Variants in PLCG2 observed in about 807,000 individuals in gnomAD.
PLCG2 encodes the protein phospholipase C gamma 2, also known as 1-phosphatidylinositol 4,5-bisphosphate phosphodiesterase gamma-2.
In PLCG2, 69 loss-of-function variants were observed where a neutral mutation model predicts 175.6. The observed-to-expected ratio is 0.39, with a 90% CI of 0.32 to 0.48. The LOEUF (loss-of-function observed/expected upper bound fraction) is 0.48, where lower values mean the gene tolerates loss of function less well. PLCG2 is among the 20% of genes least tolerant of loss of function. The pLI is 0.91. For missense variants in PLCG2, 1,798 were observed against 1,650.9 expected, an observed-to-expected ratio of 1.09 and a Z score of -1.54; for synonymous variants, 827 against 624.0, an observed-to-expected ratio of 1.33 and a Z score of -4.85.
intron 30 of PLCG2, among the ~76,000 whole-genome samples, chr16:81,940,725 C>T (rs762429226): frequency 1.1e-4 from 17 of 148,062 alleles, no homozygotes; most frequent in Non-Finnish European, 2.3e-4. Context: ...GAGATAGACA[C>T]TTCCAGGTGA....
intron 8 of PLCG2, among the ~76,000 whole-genome samples, chr16:81,881,177 G>A (rs916732048): frequency 6.6e-6 from 1 of 152,204 alleles, no homozygotes; most frequent in Admixed American, 6.5e-5. Flanking sequence ...AGAAAGTTCT[G>A]TAGAAAAGCC....
At position 81,960,169 on chromosome 16, in the gene PLCG2, C is replaced by G. The variant is rs900148093; in HGVS notation, c.*2171C>G. 2 of 220,668 alleles carry G rather than the reference C, an allele frequency of 9.1e-6. No individual in the cohort carries two copies. Among genetic ancestry groups the G allele is most frequent in the Non-Finnish European group, 1.8e-5 (2 of 110,252 alleles). The allele number at this position is 220,668 out of a possible 1,614,324, so 13.7% of individuals were successfully genotyped here. A position where few individuals can be genotyped will look rare whatever the true frequency, so the allele number is the denominator to read the frequency against. On this transcript the variant is annotated 3_prime_UTR_variant, in exon 33 of 33. Transcript: ENST00000564138. ...AGAGTACTTTCTTCGGTTCTTTCCT[C>G]CTGTCCTTGACAGAGTAACACGTTA...
intron 2 of PLCG2, among the ~76,000 whole-genome samples, chr16:81,844,285 G>T (rs1367010588): frequency 1.3e-5 from 2 of 150,644 alleles, no homozygotes; most frequent in Admixed American, 6.6e-5. Context: ...GAGCCACCGC[G>T]CCCGGGCACC....
At chr16:81,818,547 C>G (rs567790395) in intron 2 of PLCG2, among the ~76,000 whole-genome samples, 1 of 152,108 alleles carries the variant, frequency 6.6e-6, no homozygotes, top group Admixed American at 6.6e-5. Context: ...AATGGAGCTC[C>G]GAAGGCCTGA....
At position 81,958,583 on chromosome 16, in the gene PLCG2, T is replaced by A. The variant is rs760763626; in HGVS notation, c.*585T>A. On this transcript the variant is annotated 3_prime_UTR_variant, in exon 33 of 33. Coordinates refer to ENST00000564138, the MANE Select transcript of PLCG2 (RefSeq NM_002661.5). The stretch of plus-strand genomic sequence containing the variant: ...AAAATGGCTGAGTGATGGGATCTGT[T>A]CATTAAGACAATTTCTAATTAATGG... The A allele has an allele frequency of 4.3e-6, 1 of 230,040 alleles. No individual in the cohort carries two copies. Among genetic ancestry groups the A allele is most frequent in the Non-Finnish European group, 8.6e-6 (1 of 116,098 alleles). The allele number at this position is 230,040 out of a possible 1,614,324, so 14.2% of individuals were successfully genotyped here. A position where few individuals can be genotyped will look rare whatever the true frequency, so the allele number is the denominator to read the frequency against.
chr16:81,791,882 C>T (rs1225477420), intron 2 of PLCG2, among the ~76,000 whole-genome samples: 1 of 152,100 alleles, frequency 6.6e-6, no homozygotes, highest in Non-Finnish European at 1.5e-5. Context: ...GGACTGTTGA[C>T]CAAACATCTA....
At chr16:81,834,725 G>T (rs1905425311) in intron 2 of PLCG2, among the ~76,000 whole-genome samples, 1 of 152,184 alleles carries the variant, frequency 6.6e-6, no homozygotes, top group South Asian at 2.1e-4. Context: ...AGAACCCACT[G>T]GACCAAGGCA....
At chr16:81,889,387 C>T (rs1047811929) in intron 10 of PLCG2, 114 bp downstream of exon 10, 5 of 644,286 alleles carry the variant, frequency 7.8e-6, no homozygotes, top group Non-Finnish European at 1.4e-5. Context: ...TATGATGTTG[C>T]CTCGACTGAC....
chr16:81,791,686 C>A (rs562491606), intron 2 of PLCG2, among the ~76,000 whole-genome samples: 2 of 152,188 alleles, frequency 1.3e-5, no homozygotes, highest in African/African-American at 4.8e-5. Context: ...CACCTCAGCC[C>A]CCCGAGTAGC....
chr16:81,833,154 T>C (rs1219543614), intron 2 of PLCG2, among the ~76,000 whole-genome samples: 3 of 152,116 alleles, frequency 2.0e-5, no homozygotes, highest in African/African-American at 4.8e-5. Flanking sequence ...GTCTGGTCTG[T>C]GAGAAGAGCC....
chr16:81,791,184 G>T (rs940280233), intron 2 of PLCG2, among the ~76,000 whole-genome samples: 2 of 152,190 alleles, frequency 1.3e-5, no homozygotes, highest in Non-Finnish European at 2.9e-5. Flanking sequence ...TTGCAAGATT[G>T]TGTGCTTAGT....
At chr16:81,789,279 C>A (rs912858885) in intron 2 of PLCG2, among the ~76,000 whole-genome samples, 2 of 152,210 alleles carry the variant, frequency 1.3e-5, no homozygotes, top group African/African-American at 4.8e-5. Context: ...CACTCGCTTA[C>A]GCGGATGCGC....
intron 2 of PLCG2, among the ~76,000 whole-genome samples, chr16:81,823,328 A>G (rs1286854107): frequency 6.6e-6 from 1 of 152,166 alleles, no homozygotes; most frequent in Non-Finnish European, 1.5e-5. Flanking sequence ...CTCGACAGAA[A>G]CGCAGAAGTG....
At chr16:81,864,727 G>T (rs909990758) in intron 5 of PLCG2, among the ~76,000 whole-genome samples, 1 of 152,118 alleles carries the variant, frequency 6.6e-6, no homozygotes, top group Non-Finnish European at 1.5e-5. Context: ...TGGAGGTGCC[G>T]GCCCAGCCTC....
At chr16:81,903,205 C>T (rs1909225286) in intron 14 of PLCG2, among the ~76,000 whole-genome samples, 1 of 152,172 alleles carries the variant, frequency 6.6e-6, no homozygotes. Context: ...GACAATAGGA[C>T]ACACAAGGGT....
At chr16:81,873,696 A>G (rs370662038) in intron 7 of PLCG2, among the ~76,000 whole-genome samples, 13 of 152,228 alleles carry the variant, frequency 8.5e-5, no homozygotes, top group Non-Finnish European at 1.3e-4. Context: ...TTGGGAGGCC[A>G]AGGCAGGAGG....
intron 2 of PLCG2, among the ~76,000 whole-genome samples, chr16:81,849,911 G>A (rs565133854): frequency 6.6e-6 from 1 of 152,320 alleles, no homozygotes; most frequent in East Asian, 1.9e-4. Flanking sequence ...CAGTCAACTG[G>A]GTGGGTGAAT....
chr16:81,782,865 A>G (rs1910799745), intron 1 of PLCG2, among the ~76,000 whole-genome samples: 1 of 152,204 alleles, frequency 6.6e-6, no homozygotes, highest in African/African-American at 2.4e-5. Flanking sequence ...ATCAGAGGGG[A>G]TACAGTGTTT....
At chr16:81,839,640 A>AT (rs1371731308) in intron 2 of PLCG2, among the ~76,000 whole-genome samples, 1 of 152,162 alleles carries the variant, frequency 6.6e-6, no homozygotes, top group Non-Finnish European at 1.5e-5. Context: ...CCAGGTATGT[A>AT]TTTTTTCAAT....
Sources: allele counts gnomAD v4.1 joint callset (sites outside exome capture counted in the v4.1 genomes callset), GRCh38; gene constraint gnomAD v4.1.1; transcripts MANE v1.5; gene names NCBI Gene and HGNC (gene_info 2026-07-23, HGNC 2026-07-21).